FYB1: variants seen among roughly 807,000 people sequenced by gnomAD.
FYB1 encodes the protein FYN binding protein 1, also known as FYN-binding protein 1.
In FYB1, 41 loss-of-function variants were observed where a neutral mutation model predicts 94.1. The ratio of observed to expected loss-of-function variants is 0.44; its 90% CI spans 0.34 to 0.57. FYB1 has a LOEUF of 0.57. Ranked by LOEUF, FYB1 falls within the 20% of genes least tolerant of loss-of-function variation. The pLI is 0.02. For synonymous variants in FYB1, 367 were observed against 353.2 expected (o/e 1.04, Z -0.44); for missense variants, 1,050 against 976.8 (o/e 1.07, Z -1.00).
chr5:39,219,541 T>G lies in FYB1; in HGVS notation c.-126A>C. The stretch of plus-strand genomic sequence containing the variant: ...TCACTTCTAGCTGTCGCATCTGCTC[T>G]GCATGTGGAACTCAAGAACTGCGGA... On this transcript the variant is annotated 5_prime_UTR_variant, in exon 1 of 19. Transcript: ENST00000512982. 1 of 985,474 alleles carries G rather than the reference T, an allele frequency of 1.0e-6. No homozygotes were observed. Among genetic ancestry groups the G allele is most frequent in the Non-Finnish European group, 1.2e-6 (1 of 829,944 alleles). 61.0% of individuals were successfully genotyped at this position (985,474 alleles called of 1,614,324 possible).
intron 1 of FYB1, among the ~76,000 whole-genome samples, chr5:39,256,002 A>G (rs1380453929): frequency 6.6e-6 from 1 of 152,258 alleles, no homozygotes; most frequent in Non-Finnish European, 1.5e-5. Flanking sequence ...TTAAAGGTCC[A>G]AATGTATTAG....
At chr5:39,116,626 A>G (rs757694444) in intron 16 of FYB1, among the ~76,000 whole-genome samples, 1 of 152,158 alleles carries the variant, frequency 6.6e-6, no homozygotes, top group Non-Finnish European at 1.5e-5. Context: ...TCCTAGGAAG[A>G]TAAGAGTCTC....
chr5:39,170,996 A>T (rs981424382), intron 2 of FYB1, among the ~76,000 whole-genome samples: 10 of 152,158 alleles, frequency 6.6e-5, no homozygotes, highest in Admixed American at 1.3e-4. Flanking sequence ...ATTGCTTAAA[A>T]GAATTTTTAG....
chr5:39,273,630 A>G (rs1332210268), intron 1 of FYB1, among the ~76,000 whole-genome samples: 1 of 152,214 alleles, frequency 6.6e-6, no homozygotes, highest in Admixed American at 6.5e-5. Context: ...ACAGAATGCA[A>G]AATAAGTTAT....
chr5:39,151,026 C>A (rs192522013), intron 3 of FYB1, among the ~76,000 whole-genome samples: 1 of 152,302 alleles, frequency 6.6e-6, no homozygotes, highest in Admixed American at 6.5e-5. Context: ...CCTACCATTC[C>A]TTCCCTTGCT....
At position 39,234,464 on chromosome 5, in the gene FYB1, A is replaced by G. The variant is rs968161778; in HGVS notation, c.-27-31477T>C. 4.6e-5 allele frequency among the ~76,000 whole-genome samples: 7 copies of G among 151,800 alleles called. No individual in the cohort carries two copies. In the South Asian group the frequency reaches 1.5e-3, roughly 32 times the overall value. ...ACAAAGAGGCAATTAAAAATTACAT[A>G]GTTGTGGAAAACAGTGTGGCAATTC... On this transcript the variant is annotated intron_variant, in intron 1 of 1. Coordinates refer to the FYB1 transcript ENST00000510188.
intron 2 of FYB1, chr5:39,170,031 A>G: frequency 1.3e-6 from 1 of 771,764 alleles, no homozygotes; most frequent in South Asian, 1.4e-5. Flanking sequence ...ATGAATTTTC[A>G]ATAGGATGAG....
chr5:39,148,381 GTTTTTTTTTTTTTTTTTTTTTT>G lies in FYB1; in HGVS notation c.1292+5045_1292+5066del, dbSNP rs538508812. ...GCATTTAGCTTTTAATTATCAGCAG[GTTTTTTTTTTTTTTTTTTTTTT>G]TTTTTTTTTTTTTTTAAAGAAGGAG... On this transcript the variant is annotated intron_variant, in intron 3 of 18. Coordinates refer to ENST00000512982, the MANE Select transcript of FYB1 (RefSeq NM_001465.6). 1.3e-4 allele frequency among the ~76,000 whole-genome samples: 5 copies of G among 38,174 alleles called. No homozygotes were observed. In the East Asian group the frequency reaches 2.3e-3, roughly 18 times the overall value. The allele number at this position is 38,174 out of a possible 152,430, so 25.0% of individuals were successfully genotyped here.
At chr5:39,127,059 C>CAAAA (rs200980181) in intron 11 of FYB1, among the ~76,000 whole-genome samples, 9 of 77,456 alleles carry the variant, frequency 1.2e-4, no homozygotes, top group East Asian at 5.6e-4. Context: ...ACTCAGGTCT[C>CAAAA]AAAAAAAAAA....
At chr5:39,264,376 C>T (rs1041355927) in intron 1 of FYB1, among the ~76,000 whole-genome samples, 12 of 152,164 alleles carry the variant, frequency 7.9e-5, no homozygotes, top group Admixed American at 3.9e-4. Context: ...TGATCTTGGA[C>T]TTTGTAGCCC....
chr5:39,142,737 T>C (rs1227814909), intron 3 of FYB1, among the ~76,000 whole-genome samples: 2 of 152,214 alleles, frequency 1.3e-5, no homozygotes, highest in African/African-American at 4.8e-5. Flanking sequence ...ACGCATTTCT[T>C]TCCCGACTGC....
intron 1 of FYB1, among the ~76,000 whole-genome samples, chr5:39,216,257 C>CGT (rs998274235): frequency 6.6e-6 from 1 of 152,024 alleles, no homozygotes; most frequent in Non-Finnish European, 1.5e-5. Flanking sequence ...AAACTTTTTT[C>CGT]GTGTGTGTGT....
chr5:39,244,916 G>T (rs1301457535), intron 1 of FYB1, among the ~76,000 whole-genome samples: 1 of 152,158 alleles, frequency 6.6e-6, no homozygotes, highest in Admixed American at 6.5e-5. Flanking sequence ...AGGTTTTCTA[G>T]TTTATTTGCA....
At chr5:39,231,452 A>G (rs1267356784) in intron 1 of FYB1, among the ~76,000 whole-genome samples, 1 of 152,194 alleles carries the variant, frequency 6.6e-6, no homozygotes, top group African/African-American at 2.4e-5. Flanking sequence ...TCTTCTCTCA[A>G]GAAACCCAAG....
At chr5:39,264,143 C>T (rs1351156088) in intron 1 of FYB1, among the ~76,000 whole-genome samples, 1 of 152,196 alleles carries the variant, frequency 6.6e-6, no homozygotes, top group African/African-American at 2.4e-5. Flanking sequence ...TTCAATCCAA[C>T]ATTTGACTTG....
Position 39,109,780 on chromosome 5 carries a change from A to G in FYB1, c.2435+576T>C, listed in dbSNP as rs375432536. Among the ~76,000 whole-genome samples the G allele has an allele frequency of 9.1e-4, 139 of 152,232 alleles. 1 individual carries two copies. The highest frequency in any genetic ancestry group is 3.2e-3 in the African/African-American group (134 of 41,566). ...ATGTTTCAGGGGACTCCAAAGGCACACTAGTACCACACTGTGACAGACTGT... is the reference window on the plus strand; with the variant it reads ...ATGTTTCAGGGGACTCCAAAGGCACGCTAGTACCACACTGTGACAGACTGT... On this transcript the variant is annotated intron_variant, in intron 17 of 18. Coordinates refer to ENST00000512982, the MANE Select transcript of FYB1 (RefSeq NM_001465.6).
intron 6 of FYB1, 62 bp downstream of exon 6, chr5:39,138,595 T>G: frequency 1.0e-6 from 1 of 975,460 alleles, no homozygotes; most frequent in South Asian, 1.5e-5. Flanking sequence ...CCACTCTCCC[T>G]CATACAAAAC....
chr5:39,195,991 T>C (rs1389598187), intron 2 of FYB1, among the ~76,000 whole-genome samples: 1 of 151,860 alleles, frequency 6.6e-6, no homozygotes, highest in South Asian at 2.1e-4. Context: ...CATGTTAGAG[T>C]CAAGCTTACA....
chr5:39,170,331 C>T (rs373393023), intron 2 of FYB1: 17 of 1,310,812 alleles, frequency 1.3e-5, no homozygotes, highest in East Asian at 1.2e-4. Flanking sequence ...CAAACCAAGA[C>T]ATGATGGCAG....
Sources: gnomAD v4.1 joint callset for allele counts (sites outside exome capture counted in the v4.1 genomes callset) on GRCh38, gnomAD v4.1.1 for gene constraint, MANE v1.5 for transcripts, NCBI Gene and HGNC (gene_info 2026-07-23, HGNC 2026-07-21) for gene names.